Variants in MTAP observed in about 807,000 individuals in gnomAD.
MTAP encodes the protein S-methyl-5'-thioadenosine phosphorylase.
MTAP carries 33 observed loss-of-function variants against 33.6 expected under a neutral mutation model. The ratio of observed to expected loss-of-function variants is 0.98; its 90% CI spans 0.74 to 1.31. The LOEUF (loss-of-function observed/expected upper bound fraction) is 1.31. Among genes scored for constraint, MTAP ranks in the 40% most tolerant of loss-of-function variants. MTAP has a pLI of 0.00. For synonymous variants in MTAP, 148 were observed against 125.7 expected (o/e 1.18, Z -1.19); for missense variants, 367 against 360.0 (o/e 1.02, Z -0.16).
intron 1 of MTAP, among the ~76,000 whole-genome samples, chr9:21,917,267 G>A (rs1027430409): frequency 1.3e-5 from 2 of 152,128 alleles, no homozygotes; most frequent in Non-Finnish European, 2.9e-5. Context: ...TCTGGAGAGA[G>A]GTCTCAGCTA....
At chr9:21,925,941 A>G (rs1304062593) in intron 1 of MTAP, among the ~76,000 whole-genome samples, 1 of 152,182 alleles carries the variant, frequency 6.6e-6, no homozygotes, top group Non-Finnish European at 1.5e-5. Context: ...TTCACTCCTC[A>G]TCTTTGCTGC....
intron 1 of MTAP, among the ~76,000 whole-genome samples, chr9:21,908,934 T>C (rs938366827): frequency 2.0e-5 from 3 of 152,018 alleles, no homozygotes; most frequent in Non-Finnish European, 4.4e-5. Context: ...ATAGTATAAT[T>C]ATTATAACTA....
chr9:21,807,808 A>G (rs954322911), intron 1 of MTAP, among the ~76,000 whole-genome samples: 2 of 152,340 alleles, frequency 1.3e-5, no homozygotes, highest in Non-Finnish European at 2.9e-5. Context: ...GTGGTAGGGT[A>G]TACAGAAACA....
intron 1 of MTAP, among the ~76,000 whole-genome samples, chr9:21,910,534 G>A (rs1451878355): frequency 3.9e-5 from 6 of 152,122 alleles, no homozygotes; most frequent in African/African-American, 1.4e-4. Flanking sequence ...GCACATGCAT[G>A]CCTGAAGACT....
rs139963745 is a variant in MTAP, at chr9:21,875,955, G to A, written c.147+21085G>A. Reference sequence around the variant, plus strand: ...TAGCTCTTTGAGGAATCCCCACACCGCTTCCCACAATGGTTAAACTAATTT... The same window carrying A: ...TAGCTCTTTGAGGAATCCCCACACCACTTCCCACAATGGTTAAACTAATTT... On this transcript the variant is annotated intron_variant, in intron 1 of 1. Transcript: ENST00000577563. Among the ~76,000 whole-genome samples the A allele has an allele frequency of 2.6e-4, 39 of 152,152 alleles. No homozygotes were observed. In the South Asian group the frequency reaches 3.7e-3, roughly 15 times the overall value.
chr9:21,805,342 A>G (rs565335080), intron 1 of MTAP, among the ~76,000 whole-genome samples: 1 of 152,346 alleles, frequency 6.6e-6, no homozygotes, highest in South Asian at 2.1e-4. Flanking sequence ...GTGGAATCCT[A>G]TTCAAAAATA....
At chr9:21,831,577 T>A (rs1824967918) in intron 4 of MTAP, among the ~76,000 whole-genome samples, 1 of 152,104 alleles carries the variant, frequency 6.6e-6, no homozygotes, top group South Asian at 2.1e-4. Context: ...TCTTCCTGCT[T>A]TGGCCTCCCC....
chr9:21,877,147 T>G (rs1264633365), intron 1 of MTAP, among the ~76,000 whole-genome samples: 1 of 152,174 alleles, frequency 6.6e-6, no homozygotes, highest in South Asian at 2.1e-4. Context: ...CATTCCTGAT[T>G]TGGCTCTCTG....
intron 1 of MTAP, among the ~76,000 whole-genome samples, chr9:21,878,659 G>A (rs1826047342): frequency 6.6e-6 from 1 of 152,088 alleles, no homozygotes; most frequent in East Asian, 1.9e-4. Flanking sequence ...ACTGCACCCA[G>A]CCAAGATCTT....
Position 21,865,478 on chromosome 9 carries a change from A to C in MTAP, c.*3464A>C. ...GTTTTGAAGATTGTTGCACCTTGGA[A>C]CTACCAGTGTGCACACAATCTGGCT... On this transcript the variant is annotated 3_prime_UTR_variant, in exon 8 of 8. Coordinates refer to ENST00000644715, the MANE Select transcript of MTAP (RefSeq NM_002451.4). 1 of 985,516 alleles carries C rather than the reference A, an allele frequency of 1.0e-6. No homozygotes were observed. The highest frequency in any genetic ancestry group is 1.2e-6 in the Non-Finnish European group (1 of 829,950). 61.0% of individuals were successfully genotyped at this position (985,516 alleles called of 1,614,324 possible). A position where few individuals can be genotyped will look rare whatever the true frequency, so the allele number is the denominator to read the frequency against.
chr9:21,886,219 AT>A (rs367830831), intron 1 of MTAP, among the ~76,000 whole-genome samples: 1 of 150,434 alleles, frequency 6.6e-6, no homozygotes, highest in Admixed American at 6.6e-5. Flanking sequence ...AATATTGAGC[AT>A]TTTTTCATGT....
At chr9:21,871,663 A>G (rs143565151), downstream of MTAP, among the ~76,000 whole-genome samples, 1 of 152,254 alleles carries the variant, frequency 6.6e-6, no homozygotes, top group East Asian at 1.9e-4. Flanking sequence ...TGCCTATAGA[A>G]GTTTTAGCCA....
At chr9:21,913,823 CCAACCTACAGTGAACAGG>C (rs1432280588) in intron 1 of MTAP, among the ~76,000 whole-genome samples, 1 of 152,112 alleles carries the variant, frequency 6.6e-6, no homozygotes, top group Non-Finnish European at 1.5e-5. Flanking sequence ...AAAGAAACTA[CCAACCTACAGTGAACAGG>C]CAACCTACAG....
chr9:21,889,599 A>G (rs1454594430), intron 1 of MTAP, among the ~76,000 whole-genome samples: 1 of 152,042 alleles, frequency 6.6e-6, no homozygotes, highest in African/African-American at 2.4e-5. Context: ...ATATGGTCCT[A>G]TCCCCCCACT....
chr9:21,914,453 A>G (rs570966497), intron 1 of MTAP, among the ~76,000 whole-genome samples: 4 of 152,242 alleles, frequency 2.6e-5, no homozygotes, highest in Non-Finnish European at 5.9e-5. Flanking sequence ...ATGCAGCCAT[A>G]AAAAAGGATG....
downstream of MTAP, among the ~76,000 whole-genome samples, chr9:21,939,720 T>C (rs961610975): frequency 1.3e-5 from 2 of 151,600 alleles, no homozygotes; most frequent in Non-Finnish European, 2.9e-5. Flanking sequence ...ATAATAATAA[T>C]AATAATACAA....
intron 3 of MTAP, among the ~76,000 whole-genome samples, chr9:21,817,059 T>C (rs982725538): frequency 2.6e-5 from 4 of 152,160 alleles, no homozygotes; most frequent in African/African-American, 9.7e-5. Context: ...TTCATTTTTT[T>C]CCCCCTTCTT....
chr9:21,822,062 G>T (rs1194280730), intron 4 of MTAP, among the ~76,000 whole-genome samples: 5 of 151,790 alleles, frequency 3.3e-5, no homozygotes, highest in Non-Finnish European at 7.4e-5. Context: ...CAATTTTGTT[G>T]ATCCTTTCAG....
intron 1 of MTAP, among the ~76,000 whole-genome samples, chr9:21,884,090 G>GA (rs138236174): frequency 0.024 from 3,646 of 152,092 alleles, 144 homozygotes; most frequent in African/African-American, 0.081. Flanking sequence ...CATCCTCACT[G>GA]AAAAAAAGTT....
Sources: gnomAD v4.1 joint callset for allele counts (sites outside exome capture counted in the v4.1 genomes callset) on GRCh38, gnomAD v4.1.1 for gene constraint, MANE v1.5 for transcripts, NCBI Gene and HGNC (gene_info 2026-07-23, HGNC 2026-07-21) for gene names.